The following SPMIP2 variants were observed in gnomAD, a reference collection of about 807,000 sequenced individuals.
The protein encoded by SPMIP2 is sperm microtubule inner protein 2.
the SPMIP2 span, among the ~76,000 whole-genome samples, chr4:158,920,949 C>T: frequency 6.6e-6 from 1 of 152,216 alleles, no homozygotes; most frequent in Non-Finnish European, 1.5e-5. Flanking sequence ...GTGGGCATCA[C>T]GGTCCTACCG....
the SPMIP2 span, among the ~76,000 whole-genome samples, chr4:159,019,296 CAAA>C: frequency 2.0e-5 from 2 of 100,238 alleles, no homozygotes; most frequent in Non-Finnish European, 3.7e-5. Flanking sequence ...GACTCCGTCT[CAAA>C]AAAAAAAAAA....
chr4:158,906,598 C>G, the SPMIP2 span: 1 of 152,270 alleles, frequency 6.6e-6, no homozygotes, highest in East Asian at 1.9e-4. Context: ...CCAAAACTCA[C>G]TCTTGGAAAA....
chr4:159,007,697 A>G, the SPMIP2 span: 1 of 702,930 alleles, frequency 1.4e-6, no homozygotes, highest in South Asian at 1.3e-5. Context: ...TGCACCAGCG[A>G]GATGAGGCAG....
At chr4:158,996,992 G>C in the SPMIP2 span, among the ~76,000 whole-genome samples, 1 of 152,164 alleles carries the variant, frequency 6.6e-6, no homozygotes, top group Non-Finnish European at 1.5e-5. Context: ...TCTCTGGAAA[G>C]GGAGAAGAGT....
chr4:158,938,570 G>C, the SPMIP2 span, among the ~76,000 whole-genome samples: 4 of 152,194 alleles, frequency 2.6e-5, no homozygotes, highest in African/African-American at 7.2e-5. Flanking sequence ...TAATTTGCCA[G>C]ATTGCCTTCC....
At chr4:158,969,098 TGAAAAGTGAGTCATCATGTCCAG>T in the SPMIP2 span, among the ~76,000 whole-genome samples, 1 of 152,176 alleles carries the variant, frequency 6.6e-6, no homozygotes. Context: ...GTCACACCCA[TGAAAAGTGAGTCATCATGTCCAG>T]TGTAACATTG....
the SPMIP2 span, among the ~76,000 whole-genome samples, chr4:159,056,278 G>A: frequency 2.1e-3 from 313 of 152,098 alleles, 2 homozygotes; most frequent in African/African-American, 7.0e-3. Context: ...TCTCTTCCCC[G>A]CTTTCCTTAA....
At chr4:158,989,193 C>T in the SPMIP2 span, among the ~76,000 whole-genome samples, 1 of 152,106 alleles carries the variant, frequency 6.6e-6, no homozygotes, top group African/African-American at 2.4e-5. Flanking sequence ...TGAAGGATCT[C>T]CTCAAGAAGA....
chr4:159,019,855 G>C, the SPMIP2 span, among the ~76,000 whole-genome samples: 2 of 152,170 alleles, frequency 1.3e-5, no homozygotes, highest in Non-Finnish European at 2.9e-5. Flanking sequence ...ACTGGAGAGA[G>C]GGGGACAGTA....
chr4:158,996,552 T>C, the SPMIP2 span, among the ~76,000 whole-genome samples: 1 of 152,172 alleles, frequency 6.6e-6, no homozygotes, highest in South Asian at 2.1e-4. Context: ...GCAAAATTGA[T>C]TAAACAATTA....
At chr4:158,902,146 G>A in the SPMIP2 span, among the ~76,000 whole-genome samples, 5 of 152,112 alleles carry the variant, frequency 3.3e-5, no homozygotes, top group East Asian at 5.8e-4. Context: ...GGTCTTTTAC[G>A]TTGGTGACCT....
At chr4:159,079,879 GA>G in the SPMIP2 span, among the ~76,000 whole-genome samples, 1 of 151,596 alleles carries the variant, frequency 6.6e-6, no homozygotes, top group East Asian at 1.9e-4. Flanking sequence ...TTCTCAAGCT[GA>G]AAAAAAAGTA....
chr4:158,911,938 A>G, the SPMIP2 span, among the ~76,000 whole-genome samples: 1 of 152,246 alleles, frequency 6.6e-6, no homozygotes, highest in Admixed American at 6.5e-5. Flanking sequence ...ATGCACATAA[A>G]TTATACAATG....
chr4:158,999,170 C>CA, the SPMIP2 span, among the ~76,000 whole-genome samples: 25 of 38,046 alleles, frequency 6.6e-4, no homozygotes, highest in Non-Finnish European at 7.9e-4. Flanking sequence ...GACCCTGCCT[C>CA]AAAAAAAAAA....
chr4:159,036,296 C>G, the SPMIP2 span, among the ~76,000 whole-genome samples: 65 of 152,334 alleles, frequency 4.3e-4, no homozygotes, highest in African/African-American at 1.3e-3. Flanking sequence ...TCAAGGAAGG[C>G]TTGTAGCCCA....
the SPMIP2 span, among the ~76,000 whole-genome samples, chr4:158,973,697 T>C: frequency 6.6e-6 from 1 of 152,104 alleles, no homozygotes; most frequent in Non-Finnish European, 1.5e-5. Flanking sequence ...ATCAACTTAA[T>C]ACAGACATGG....
chr4:158,911,751 A>G, the SPMIP2 span, among the ~76,000 whole-genome samples: 1 of 152,210 alleles, frequency 6.6e-6, no homozygotes, highest in Non-Finnish European at 1.5e-5. Context: ...AGGATCCCCA[A>G]GTGATTTGCA....
the SPMIP2 span, among the ~76,000 whole-genome samples, chr4:158,941,306 C>T: frequency 6.6e-6 from 1 of 152,064 alleles, no homozygotes; most frequent in Non-Finnish European, 1.5e-5. Flanking sequence ...ATCATTTATC[C>T]CACAATATAC....
chr4:158,963,624 C>G, the SPMIP2 span, among the ~76,000 whole-genome samples: 1 of 152,192 alleles, frequency 6.6e-6, no homozygotes, highest in Non-Finnish European at 1.5e-5. Flanking sequence ...AAGATTCTCA[C>G]CCCCTGGTAT....
Sources: gnomAD v4.1 joint callset for allele counts (sites outside exome capture counted in the v4.1 genomes callset) on GRCh38, gnomAD v4.1.1 for gene constraint, MANE v1.5 for transcripts, NCBI Gene and HGNC (gene_info 2026-07-23, HGNC 2026-07-21) for gene names.